ZNF138: variants seen among roughly 807,000 people sequenced by gnomAD.
The protein encoded by ZNF138 is zinc finger protein 138 (clone pHZ-32).
A neutral mutation model predicts 33.0 loss-of-function variants in ZNF138; 33 were observed. The ratio of observed to expected loss-of-function variants is 1.00; its 90% CI spans 0.76 to 1.34. The LOEUF (loss-of-function observed/expected upper bound fraction) is 1.34. Among genes scored for constraint, ZNF138 ranks in the 40% most tolerant of loss-of-function variants. The pLI is 0.00. For missense variants in ZNF138, 360 were observed against 370.8 expected (o/e 0.97, Z 0.24); for synonymous variants, 139 against 120.4 (o/e 1.15, Z -1.01).
chr7:64,812,547 A>G (rs552882051), intron 1 of ZNF138, among the ~76,000 whole-genome samples: 1 of 152,178 alleles, frequency 6.6e-6, no homozygotes, highest in African/African-American at 2.4e-5. Context: ...TGTGGCCCAT[A>G]TTTCCATTAC....
chr7:64,841,217 T>C, the ZNF138 span, among the ~76,000 whole-genome samples: 1 of 152,204 alleles, frequency 6.6e-6, no homozygotes, highest in African/African-American at 2.4e-5. Flanking sequence ...GAACAATTTT[T>C]AGATGTATTT....
intron 1 of ZNF138, among the ~76,000 whole-genome samples, chr7:64,801,014 G>T (rs901843383): frequency 1.3e-5 from 2 of 151,822 alleles, no homozygotes; most frequent in Admixed American, 6.6e-5. Context: ...ATTTTTCTGG[G>T]GTCAGTGGTA....
chr7:64,811,124 C>T (rs961753356), intron 1 of ZNF138, among the ~76,000 whole-genome samples: 4 of 152,048 alleles, frequency 2.6e-5, no homozygotes, highest in Non-Finnish European at 5.9e-5. Context: ...TAATTCTATA[C>T]ATTTTTTAAA....
At chr7:64,845,678 G>A in the ZNF138 span, among the ~76,000 whole-genome samples, 9 of 152,156 alleles carry the variant, frequency 5.9e-5, no homozygotes, top group Non-Finnish European at 1.3e-4. Flanking sequence ...GATTATTAGT[G>A]ATGTTGAGCA....
chr7:64,847,333 T>TATATA, the ZNF138 span, among the ~76,000 whole-genome samples: 1,146 of 90,872 alleles, frequency 0.013, 7 homozygotes, highest in East Asian at 0.024. Flanking sequence ...TATATATATA[T>TATATA]TTTTTTTTTT....
Position 64,822,076 on chromosome 7 carries a change from G to A in ZNF138, c.208+6423G>A, listed in dbSNP as rs555640483. ...TGGGACCACAGGTGACCACCACCAC[G>A]CCTGGCTAATTTTTTTGTATTTTTA... On this transcript the variant is annotated intron_variant, in intron 3 of 3. Coordinates refer to ENST00000307355, the MANE Select transcript of ZNF138 (RefSeq NM_001271639.2). 1.8e-4 allele frequency among the ~76,000 whole-genome samples: 27 copies of A among 150,764 alleles called. No individual in the cohort carries two copies. The East Asian group carries it at 4.1e-3, about 23-fold the overall frequency.
the ZNF138 span, among the ~76,000 whole-genome samples, chr7:64,859,262 A>C: frequency 6.6e-6 from 1 of 152,130 alleles, no homozygotes; most frequent in Non-Finnish European, 1.5e-5. Flanking sequence ...GATATGTTCC[A>C]TTGCAGAAAA....
intron 1 of ZNF138, chr7:64,814,237 C>A: frequency 1.5e-6 from 1 of 647,948 alleles, no homozygotes; most frequent in Non-Finnish European, 2.0e-6. Flanking sequence ...GTTTATTGTA[C>A]ACATTAAAAC....
chr7:64,834,623 G>T (rs1790308690), downstream of ZNF138, among the ~76,000 whole-genome samples: 1 of 152,124 alleles, frequency 6.6e-6, no homozygotes, highest in Non-Finnish European at 1.5e-5. Context: ...ATCAATTGTT[G>T]CTGCATCAAA....
At chr7:64,814,071 G>A (rs1788411858) in intron 1 of ZNF138, 1 of 1,223,402 alleles carries the variant, frequency 8.2e-7, no homozygotes, top group Non-Finnish European at 1.0e-6. Context: ...CAGAAAAACT[G>A]GGAAAATCAC....
intron 1 of ZNF138, among the ~76,000 whole-genome samples, chr7:64,806,684 G>A (rs933613552): frequency 2.0e-5 from 3 of 152,164 alleles, no homozygotes; most frequent in Non-Finnish European, 4.4e-5. Flanking sequence ...TTTGAGCTGT[G>A]TATTTATTTC....
In ZNF138 at chr7:64,817,649, T is replaced by G. The variant is rs186155709; in HGVS notation, c.208+1996T>G. Among the ~76,000 whole-genome samples the G allele has an allele frequency of 9.9e-4, 147 of 148,952 alleles. 1 individual carries two copies. Among genetic ancestry groups the G allele is most frequent in the African/African-American group, 3.0e-3 (121 of 40,502 alleles). ...TGAGCCATGATGCCTCGCTCTCTGA[T>G]AAAGGAATTTTTGTCAGGGATGGCT... On this transcript the variant is annotated intron_variant, in intron 3 of 3. Transcript: ENST00000307355.
At chr7:64,814,549 GA>G (rs1304292858) in intron 1 of ZNF138, among the ~76,000 whole-genome samples, 1 of 152,074 alleles carries the variant, frequency 6.6e-6, no homozygotes, top group African/African-American at 2.4e-5. Context: ...GGTGGATCAC[GA>G]GGTCAGGAGT....
chr7:64,827,341 G>A (rs368764661), intron 3 of ZNF138, among the ~76,000 whole-genome samples: 6 of 151,330 alleles, frequency 4.0e-5, no homozygotes, highest in African/African-American at 9.7e-5. Context: ...TCTGCCTCCC[G>A]GGTTCACGCC....
At chr7:64,816,130 TATG>T (rs1434231835) in intron 3 of ZNF138, among the ~76,000 whole-genome samples, 2 of 152,104 alleles carry the variant, frequency 1.3e-5, no homozygotes, top group African/African-American at 4.8e-5. Context: ...AATTATGAAA[TATG>T]ATGTCCCTCT....
rs538231780 is a variant in ZNF138, at chr7:64,831,851, C to CT, written c.612dup (p.Asn205Ter). 3.5e-5 allele frequency: 57 copies of CT among 1,613,846 alleles called. No homozygotes were observed. In the East Asian group the frequency reaches 1.1e-3, roughly 32 times the overall value. ...ACAAATGTGAAGAGTGTGGAAAAAC[C>CT]TTTAACTGGTCCACAAACCTTTCTA... On this transcript the variant is annotated frameshift_variant, in exon 4 of 4. Coordinates refer to ENST00000307355, the MANE Select transcript of ZNF138 (RefSeq NM_001271639.2). LOFTEE classifies it high-confidence loss of function.
intron 3 of ZNF138, among the ~76,000 whole-genome samples, chr7:64,821,915 C>CTT (rs143245584): frequency 1.2e-5 from 1 of 85,682 alleles, no homozygotes; most frequent in African/African-American, 5.0e-5. Flanking sequence ...CAAATATTGT[C>CTT]TTTTTTTTTT....
chr7:64,818,547 C>G (rs1323918202), intron 3 of ZNF138, among the ~76,000 whole-genome samples: 1 of 151,816 alleles, frequency 6.6e-6, no homozygotes, highest in Non-Finnish European at 1.5e-5. Flanking sequence ...GCCAGGAGTT[C>G]GAGACCAGCC....
chr7:64,844,407 A>ATTC, the ZNF138 span, among the ~76,000 whole-genome samples: 142,500 of 151,842 alleles, frequency 0.94, 67,482 homozygotes, highest in Non-Finnish European at 1. Context: ...AATTTGATTC[A>ATTC]TTCTTCTTTG....
Sources: gnomAD v4.1 joint callset for allele counts (sites outside exome capture counted in the v4.1 genomes callset) on GRCh38, gnomAD v4.1.1 for gene constraint, MANE v1.5 for transcripts, NCBI Gene and HGNC (gene_info 2026-07-23, HGNC 2026-07-21) for gene names.